COL16A1: variants seen among roughly 807,000 people sequenced by gnomAD.
COL16A1 encodes the protein collagen type XVI alpha 1 chain, also known as collagen alpha-1(XVI) chain.
A neutral mutation model predicts 266.3 loss-of-function variants in COL16A1; 189 were observed. The ratio of observed to expected loss-of-function variants is 0.71; its 90% CI spans 0.63 to 0.80. COL16A1 has a LOEUF of 0.80. Among genes scored for constraint, COL16A1 ranks in the 30% least tolerant of loss-of-function variants. COL16A1 has a pLI of 0.00. For synonymous variants in COL16A1, 740 were observed against 782.3 expected, an observed-to-expected ratio of 0.95 and a Z score of 0.90; for missense variants, 1,928 against 2,122.4, an observed-to-expected ratio of 0.91 and a Z score of 1.80.
chr1:31,680,981 G>T (rs1388939749), intron 38 of COL16A1, 42 bp downstream of exon 38: 1 of 1,613,790 alleles, frequency 6.2e-7, no homozygotes, highest in East Asian at 2.2e-5. Context: ...GCCGAGGCAG[G>T]GCCGGCCATG....
At position 31,697,800 on chromosome 1, in the gene COL16A1, G is replaced by T; in HGVS notation, c.657+106C>A. ...ATTTGGAGGGCAACAGGAAAGCAGGGGAAGATTCTAAGCAGGAGAAGGACT... is the reference window on the plus strand; with the variant it reads ...ATTTGGAGGGCAACAGGAAAGCAGGTGAAGATTCTAAGCAGGAGAAGGACT... On this transcript the variant is annotated intron_variant, in intron 6 of 70. Transcript: ENST00000373672. The surrounding 1 kb of genome is among the most constrained non-coding windows in gnomAD (Gnocchi z 4.2). 7.4e-7 allele frequency: 1 copy of T among 1,343,526 alleles called. No homozygotes were observed. 83.2% of individuals were successfully genotyped at this position (1,343,526 alleles called of 1,614,324 possible).
chr1:31,698,216 CAG>C lies in COL16A1; in HGVS notation c.391-46_391-45del, dbSNP rs749866977. Reference sequence around the variant, plus strand: ...GGGAAAGGACAGAGATTCAGAGCTCCAGAGTCACACCATGGGCACGTTCAGGG... The same window carrying C: ...GGGAAAGGACAGAGATTCAGAGCTCCAGTCACACCATGGGCACGTTCAGGG... On this transcript the variant is annotated intron_variant, in intron 5 of 70. Coordinates refer to ENST00000373672, the MANE Select transcript of COL16A1 (RefSeq NM_001856.4). The surrounding 1 kb of genome is among the most constrained non-coding windows in gnomAD (Gnocchi z 4.1). 2 of 1,606,416 alleles carry C rather than the reference CAG, an allele frequency of 1.2e-6. No individual in the cohort carries two copies. Among genetic ancestry groups the C allele is most frequent in the Non-Finnish European group, 1.7e-6 (2 of 1,175,744 alleles).
At position 31,656,161 on chromosome 1, in the gene COL16A1, A is replaced by C. The variant is rs1461112560; in HGVS notation, c.4101+239T>G. The C allele has an allele frequency of 7.8e-6, 5 of 644,452 alleles. No homozygotes were observed. The East Asian group carries it at 1.2e-4, about 15-fold the overall frequency. The allele number at this position is 644,452 out of a possible 1,614,324, so 39.9% of individuals were successfully genotyped here. On this transcript the variant is annotated intron_variant, in intron 66 of 70. Coordinates refer to ENST00000373672, the MANE Select transcript of COL16A1 (RefSeq NM_001856.4). The surrounding 1 kb of genome is among the most constrained non-coding windows in gnomAD (Gnocchi z 4.2). ...AAGGGAGTGCTCGGGAAATGGAAAC[A>C]ATGAATGAATCAATCAGTCAATCAG...
rs1246777721 is a variant in COL16A1 at position 31,664,336 on chromosome 1, C to T, written c.3555+836G>A. On this transcript the variant is annotated intron_variant, in intron 56 of 70. Coordinates refer to ENST00000373672, the MANE Select transcript of COL16A1 (RefSeq NM_001856.4). This position sits in a 1 kb window ranked among gnomAD's most constrained non-coding sequence, Gnocchi z 5.5. ...ACACCACTGTGTGCCTCTGGGCTGCCCCAAGCCTTGTGGGTGTCAGTTTCC... is the reference window on the plus strand; with the variant it reads ...ACACCACTGTGTGCCTCTGGGCTGCTCCAAGCCTTGTGGGTGTCAGTTTCC... Among the ~76,000 whole-genome samples the T allele has an allele frequency of 6.6e-6, 1 of 152,112 alleles. No individual in the cohort carries two copies. Among genetic ancestry groups the T allele is most frequent in the African/African-American group, 2.4e-5 (1 of 41,420 alleles).
In COL16A1 at chr1:31,683,278, T is replaced by C. The variant is rs746139439; in HGVS notation, c.2416-31A>G. The stretch of plus-strand genomic sequence containing the variant: ...GATGGAAGCACAGTTAGTTAACCCA[T>C]ATCCTAGAATGGCCCCCTCCCCTGC... On this transcript the variant is annotated intron_variant, in intron 35 of 70. Coordinates refer to ENST00000373672, the MANE Select transcript of COL16A1 (RefSeq NM_001856.4). The C allele has an allele frequency of 2.6e-5, 42 of 1,614,004 alleles. No homozygotes were observed. In the South Asian group the frequency reaches 4.5e-4, roughly 17 times the overall value.
rs371729552 is a variant in COL16A1 at position 31,695,180 on chromosome 1, A to C, written c.981+6T>G. On this transcript the variant is annotated splice_donor_region_variant and intron_variant, in intron 11 of 70. Transcript: ENST00000373672. ...GCTCCACCCTGCACACCCTCCATTC[A>C]CTCACATTGCTGTCCCGGGCACCAT... 190 of 1,613,402 alleles carry C rather than the reference A, an allele frequency of 1.2e-4. 2 individuals carry two copies. The highest frequency in any genetic ancestry group is 3.1e-5 in the Non-Finnish European group (36 of 1,179,868).
chr1:31,703,666 A>G (rs1050853797), intron 1 of COL16A1, among the ~76,000 whole-genome samples, 171 bp downstream of exon 1: 1 of 152,186 alleles, frequency 6.6e-6, no homozygotes, highest in Admixed American at 6.5e-5. Flanking sequence ...AGAGGCATAG[A>G]TTTGGGCGCA....
chr1:31,665,241 C>T lies in COL16A1; in HGVS notation c.3493-7G>A. On this transcript the variant is annotated splice_polypyrimidine_tract_variant and splice_region_variant and intron_variant, in intron 55 of 70. Coordinates refer to ENST00000373672, the MANE Select transcript of COL16A1 (RefSeq NM_001856.4). ...CTGGGAATCCAGGGGGACCCTGTAT[C>T]AACAAAGGGGCAGGCAGGAATGAAA... 8 of 1,590,524 alleles carry T rather than the reference C, an allele frequency of 5.0e-6. No individual in the cohort carries two copies. The highest frequency in any genetic ancestry group is 6.8e-6 in the Non-Finnish European group (8 of 1,173,940).
In COL16A1 at chr1:31,656,081, C is replaced by G. The variant is rs1013221681; in HGVS notation, c.4101+319G>C. ...TGGTCTATTGTGAGCACCTATTGTT[C>G]AGGGACCTCTGTTTACCTGAGGCCA... On this transcript the variant is annotated intron_variant, in intron 66 of 70. Coordinates refer to ENST00000373672, the MANE Select transcript of COL16A1 (RefSeq NM_001856.4). The surrounding 1 kb of genome is among the most constrained non-coding windows in gnomAD (Gnocchi z 4.2). 6 of 434,136 alleles carry G rather than the reference C, an allele frequency of 1.4e-5. No individual in the cohort carries two copies. Among genetic ancestry groups the G allele is most frequent in the Admixed American group, 1.2e-4 (3 of 24,764 alleles). The allele number at this position is 434,136 out of a possible 1,614,324, so 26.9% of individuals were successfully genotyped here. A position where few individuals can be genotyped will look rare whatever the true frequency, so the allele number is the denominator to read the frequency against.
At chr1:31,665,050 C>A (rs1642008528) in intron 56 of COL16A1, 122 bp downstream of exon 56, 9 of 1,439,898 alleles carry the variant, frequency 6.3e-6, no homozygotes, top group African/African-American at 1.5e-5. Context: ...CCTCTTTTCC[C>A]AGCCTCAGTG....
chr1:31,694,225 G>A (rs1389378235), intron 11 of COL16A1, 55 bp from the exon 12 acceptor site: 7 of 1,496,166 alleles, frequency 4.7e-6, no homozygotes, highest in African/African-American at 4.2e-5. Flanking sequence ...AAAACCAGGG[G>A]CCCAGAGAAG....
chr1:31,701,723 C>T (rs561846530), intron 2 of COL16A1, among the ~76,000 whole-genome samples: 14 of 152,252 alleles, frequency 9.2e-5, no homozygotes, highest in African/African-American at 2.9e-4. Context: ...GGGGAGGCGG[C>T]GTCCTTCTGC....
In COL16A1 at chr1:31,697,688, G is replaced by C. The variant is rs867528832; in HGVS notation, c.657+218C>G. Among the ~76,000 whole-genome samples, 55 of 152,226 alleles carry C rather than the reference G, an allele frequency of 3.6e-4. 1 individual carries two copies. Among genetic ancestry groups the C allele is most frequent in the African/African-American group, 1.2e-3 (51 of 41,454 alleles). The stretch of plus-strand genomic sequence containing the variant: ...ATTGATCAGAGCAGAGCTGCACGGA[G>C]AGATGTAAAGGAAGATGGTGCTGCA... On this transcript the variant is annotated intron_variant, in intron 6 of 70. Coordinates refer to ENST00000373672, the MANE Select transcript of COL16A1 (RefSeq NM_001856.4). This position sits in a 1 kb window ranked among gnomAD's most constrained non-coding sequence, Gnocchi z 4.2.
intron 44 of COL16A1, 73 bp from the exon 45 acceptor site, chr1:31,672,913 G>T: frequency 2.1e-6 from 3 of 1,425,540 alleles, no homozygotes; most frequent in East Asian, 2.4e-5. Flanking sequence ...GGGAGCCCCA[G>T]TGAGAACCCA....
intron 62 of COL16A1, 131 bp downstream of exon 62, chr1:31,660,454 G>A: frequency 1.7e-6 from 2 of 1,170,438 alleles, no homozygotes; most frequent in Non-Finnish European, 2.4e-6. Context: ...AGAAGGAGTG[G>A]CCCCCGTGCT....
rs1290786449 is a variant in COL16A1, at chr1:31,697,880, A to C, written c.657+26T>G. The C allele has an allele frequency of 6.4e-7, 1 of 1,574,130 alleles. No individual in the cohort carries two copies. The highest frequency in any genetic ancestry group is 1.8e-5 in the Admixed American group (1 of 54,652). The stretch of plus-strand genomic sequence containing the variant: ...TCAGGTTCCCAGAAGGCAGGAACAG[A>C]GGTCAGGGCCTGACCTAGCACTCAC... On this transcript the variant is annotated intron_variant, in intron 6 of 70. Coordinates refer to ENST00000373672, the MANE Select transcript of COL16A1 (RefSeq NM_001856.4). This position sits in a 1 kb window ranked among gnomAD's most constrained non-coding sequence, Gnocchi z 4.2.
At chr1:31,686,653 G>T (rs949711023) in intron 26 of COL16A1, among the ~76,000 whole-genome samples, 1 of 152,260 alleles carries the variant, frequency 6.6e-6, no homozygotes, top group Non-Finnish European at 1.5e-5. Context: ...GCTTGCACAC[G>T]CAGAACTTTC....
At chr1:31,665,267 G>T (rs1269434919) in intron 55 of COL16A1, 33 bp from the exon 56 acceptor site, 1 of 1,582,510 alleles carries the variant, frequency 6.3e-7, no homozygotes, top group Admixed American at 2.1e-5. Flanking sequence ...AGGAATGAAA[G>T]TGGGGCTGGA....
At position 31,688,908 on chromosome 1, in the gene COL16A1, C is replaced by A. The variant is rs2148795502; in HGVS notation, c.1720G>T (p.Ala574Ser). 1 of 1,614,148 alleles carries A rather than the reference C, an allele frequency of 6.2e-7. No individual in the cohort carries two copies. ...GAQHLVSSTG[A>S]SGDVGSPGFG... ...CCAGGGGAACCCACATCTCCACTGG[C>A]CCCTGTGGAGGACACAAGATGCTGG... is the stretch of plus-strand genomic sequence containing the variant. The change falls in exon 25 of 71, where the codon GCC (alanine) becomes TCC (serine). Residue 574 changes from alanine to serine, a missense_variant. Around this residue, in one of 2 missense-constraint regions of COL16A1, gnomAD observed 1,552 missense variants for 1,637.2 expected, o/e 0.95. Transcript: ENST00000373672. The surrounding 1 kb of genome is among the most constrained non-coding windows in gnomAD (Gnocchi z 4.9).
Sources: allele counts gnomAD v4.1 joint callset (sites outside exome capture counted in the v4.1 genomes callset), GRCh38; gene constraint gnomAD v4.1.1; regional missense constraint gnomAD v4.1.1; non-coding constraint Gnocchi (gnomAD v3.1); transcripts MANE v1.5; gene names NCBI Gene and HGNC (gene_info 2026-07-23, HGNC 2026-07-21).